IKZF3: variants seen among roughly 807,000 people sequenced by gnomAD.
IKZF3 encodes the protein zinc finger protein Aiolos.
IKZF3 carries 10 observed loss-of-function variants against 49.0 expected under a neutral mutation model. That is an observed-to-expected ratio of 0.20 (90% CI 0.13 to 0.35). The LOEUF (loss-of-function observed/expected upper bound fraction) is 0.35, where lower values mean the gene tolerates loss of function less well. Ranked by LOEUF, IKZF3 falls within the 10% of genes least tolerant of loss-of-function variation. The probability of loss-of-function intolerance (pLI) is 1.00; values close to 1 mark genes in which losing one functional copy is unlikely to be tolerated. For synonymous variants in IKZF3, 209 were observed against 228.2 expected, an observed-to-expected ratio of 0.92 and a Z score of 0.76; for missense variants, 498 against 664.8, an observed-to-expected ratio of 0.75 and a Z score of 2.76.
intron 7 of IKZF3, 26 bp from the exon 8 acceptor site, chr17:39,766,519 C>T: frequency 6.4e-7 from 1 of 1,562,618 alleles, no homozygotes; most frequent in Non-Finnish European, 8.7e-7. Context: ...GAAAGGGTTA[C>T]AAAGGGAACA....
chr17:39,796,973 A>T (rs1196901340), intron 3 of IKZF3, among the ~76,000 whole-genome samples: 97 of 151,140 alleles, frequency 6.4e-4, no homozygotes, highest in African/African-American at 2.1e-3. Flanking sequence ...GACCATCCTG[A>T]CTAACATGGT....
chr17:39,823,207 G>A (rs1055795393), intron 3 of IKZF3, among the ~76,000 whole-genome samples: 2 of 152,194 alleles, frequency 1.3e-5, no homozygotes, highest in African/African-American at 2.4e-5. Context: ...AGATGGAGAT[G>A]AGGAACTGCT....
intron 2 of IKZF3, 73 bp from the exon 3 acceptor site, chr17:39,829,561 C>T: frequency 9.9e-7 from 1 of 1,006,578 alleles, no homozygotes; most frequent in Non-Finnish European, 1.5e-6. Context: ...TTAAGTAGAC[C>T]CCCATTTAAC....
intron 6 of IKZF3, among the ~76,000 whole-genome samples, chr17:39,782,976 G>A (rs1190454920): frequency 6.6e-6 from 1 of 152,180 alleles, no homozygotes; most frequent in Non-Finnish European, 1.5e-5. Context: ...TTTATTCCCT[G>A]TATAAGTCTT....
intron 1 of IKZF3, among the ~76,000 whole-genome samples, chr17:39,837,693 C>T (rs557661356): frequency 2.0e-5 from 3 of 151,668 alleles, no homozygotes; most frequent in African/African-American, 7.3e-5. Flanking sequence ...GGCTGAAGTG[C>T]AGTGGTGCAA....
At chr17:39,813,315 A>G (rs1045243260) in intron 3 of IKZF3, among the ~76,000 whole-genome samples, 15 of 151,420 alleles carry the variant, frequency 9.9e-5, no homozygotes, top group East Asian at 1.9e-4. Flanking sequence ...AAAAAAAAAA[A>G]AAGAAGAAAA....
intron 7 of IKZF3, 29 bp from the exon 8 acceptor site, chr17:39,766,522 A>G (rs777806782): frequency 3.9e-6 from 6 of 1,553,704 alleles, no homozygotes; most frequent in Non-Finnish European, 4.4e-6. Flanking sequence ...AGGGTTACAA[A>G]GGGAACACTG....
At chr17:39,796,842 G>A (rs1355729278) in intron 3 of IKZF3, among the ~76,000 whole-genome samples, 1 of 148,662 alleles carries the variant, frequency 6.7e-6, no homozygotes, top group Non-Finnish European at 1.5e-5. Flanking sequence ...CACTGCGCTC[G>A]GCCTCAACAT....
At position 39,791,577 on chromosome 17, in the gene IKZF3, C is replaced by A. The variant is rs768846820; in HGVS notation, c.431G>T (p.Arg144Leu). The stretch of plus-strand genomic sequence containing the variant: ...CCCACACTGATTACACTGGAATGGG[C>A]GTTCACCTTTAAAAAGGACAAAAAA... ...MVHKRSHTGE[R>L]PFQCNQCGAS... Residue 144 changes from arginine to leucine, a missense_variant, in exon 5 of 8, where the codon CGC becomes CTC. By Grantham distance (102) the Arg-to-Leu change is moderately radical (BLOSUM62 -2). Transcript: ENST00000346872. 1.2e-6 allele frequency: 2 copies of A among 1,613,816 alleles called. No homozygotes were observed. Among genetic ancestry groups the A allele is most frequent in the Admixed American group, 1.7e-5 (1 of 59,994 alleles).
chr17:39,820,730 C>T (rs2061789566), intron 3 of IKZF3, among the ~76,000 whole-genome samples: 1 of 152,134 alleles, frequency 6.6e-6, no homozygotes, highest in Admixed American at 6.5e-5. Context: ...TTAGATTATG[C>T]TAACGAGGTA....
At chr17:39,784,364 T>G (rs2060821133) in intron 6 of IKZF3, among the ~76,000 whole-genome samples, 1 of 152,158 alleles carries the variant, frequency 6.6e-6, no homozygotes, top group African/African-American at 2.4e-5. Flanking sequence ...TCACTTGTGA[T>G]GCCTGATGTA....
intron 3 of IKZF3, among the ~76,000 whole-genome samples, chr17:39,820,178 A>G (rs766827453): frequency 1.2e-4 from 19 of 152,234 alleles, no homozygotes; most frequent in Non-Finnish European, 2.5e-4. Context: ...ACAAAACTCC[A>G]AAGTTATCTG....
intron 1 of IKZF3, among the ~76,000 whole-genome samples, chr17:39,855,352 T>C (rs770908766): frequency 7.2e-5 from 11 of 152,240 alleles, no homozygotes; most frequent in Non-Finnish European, 1.3e-4. Context: ...TCTCATTGTG[T>C]AGAGTAGTAG....
In IKZF3 at chr17:39,844,692, G is replaced by A. The variant is rs1025298485; in HGVS notation, c.8-12541C>T. On this transcript the variant is annotated intron_variant, in intron 1 of 7. Transcript: ENST00000346872. ...GGCTGGAGTGCAATGGTGCGATCTCGGTTCACGGCAACCTCCGCCTGCCCA... is the reference window on the plus strand; with the variant it reads ...GGCTGGAGTGCAATGGTGCGATCTCAGTTCACGGCAACCTCCGCCTGCCCA... Among the ~76,000 whole-genome samples the A allele has an allele frequency of 2.0e-5, 3 of 151,594 alleles. No individual in the cohort carries two copies. In the East Asian group the frequency reaches 5.8e-4, roughly 29 times the overall value.
At position 39,760,802 on chromosome 17, in the gene IKZF3, A is replaced by C. The variant is rs2143496188; in HGVS notation, c.*4988T>G. The C allele has an allele frequency of 6.6e-6, 1 of 152,370 alleles. No homozygotes were observed. The allele number at this position is 152,370 out of a possible 1,614,324, so 9.4% of individuals were successfully genotyped here. On this transcript the variant is annotated 3_prime_UTR_variant, in exon 8 of 8. Coordinates refer to ENST00000346872, the MANE Select transcript of IKZF3 (RefSeq NM_012481.5). ...TGGATGTGAGATTTGATAGTAACAC[A>C]GTGTTTCACCTGAGCAAAATTTTGT...
intron 2 of IKZF3, among the ~76,000 whole-genome samples, chr17:39,830,210 T>C (rs1385702514): frequency 6.6e-6 from 1 of 152,214 alleles, no homozygotes; most frequent in Non-Finnish European, 1.5e-5. Context: ...AGGAGGAAGA[T>C]CTGTAAGCTT....
At chr17:39,789,346 C>T (rs1412009234) in intron 5 of IKZF3, among the ~76,000 whole-genome samples, 8 of 152,076 alleles carry the variant, frequency 5.3e-5, no homozygotes, top group Non-Finnish European at 4.4e-5. Context: ...AGGCGGATCA[C>T]GAGGTGAGGA....
chr17:39,843,513 T>G (rs960492396), intron 1 of IKZF3, among the ~76,000 whole-genome samples: 2 of 151,924 alleles, frequency 1.3e-5, no homozygotes, highest in Non-Finnish European at 2.9e-5. Context: ...CATCTTTTAG[T>G]CACTACACAG....
intron 5 of IKZF3, among the ~76,000 whole-genome samples, chr17:39,790,861 G>C (rs1289737856): frequency 6.7e-6 from 1 of 149,836 alleles, no homozygotes; most frequent in Non-Finnish European, 1.5e-5. Flanking sequence ...TTTGAGACCA[G>C]CCTGAGCAAC....
Sources: allele counts gnomAD v4.1 joint callset (sites outside exome capture counted in the v4.1 genomes callset), GRCh38; gene constraint gnomAD v4.1.1; transcripts MANE v1.5; gene names NCBI Gene and HGNC (gene_info 2026-07-23, HGNC 2026-07-21).